The following SYBU variants were observed in gnomAD, a reference collection of about 807,000 sequenced individuals.
SYBU encodes syntabulin, also known as GOLSYN A protein.
Under a neutral mutation model 35.9 loss-of-function variants are expected in SYBU, and 21 were observed. The observed-to-expected ratio is 0.58, with a 90% CI of 0.41 to 0.84. The LOEUF (loss-of-function observed/expected upper bound fraction) is 0.84. Ranked by LOEUF, SYBU falls within the 40% of genes least tolerant of loss-of-function variation. SYBU has a pLI of 0.00. For missense variants in SYBU, 768 were observed against 848.2 expected (o/e 0.91, Z 1.17); for synonymous variants, 319 against 324.3 (o/e 0.98, Z 0.18).
chr8:109,648,821 G>C (rs1249235277), upstream of SYBU: 2 of 151,774 alleles, frequency 1.3e-5, no homozygotes, highest in African/African-American at 4.8e-5. Flanking sequence ...CAGCAACAAG[G>C]AGCAGCTGAC....
intron 3 of SYBU, among the ~76,000 whole-genome samples, chr8:109,612,457 G>C (rs1811280890): frequency 6.6e-6 from 1 of 152,154 alleles, no homozygotes; most frequent in Non-Finnish European, 1.5e-5. Flanking sequence ...ATTATGCCTT[G>C]CCAAAGTATG....
At chr8:109,678,718 A>G (rs1056859016) in intron 1 of SYBU, among the ~76,000 whole-genome samples, 33 of 152,010 alleles carry the variant, frequency 2.2e-4, no homozygotes, top group African/African-American at 7.7e-4. Context: ...GGATTATAGG[A>G]GTGAGCTAGC....
At chr8:109,644,279 T>C (rs1390058161) in intron 1 of SYBU, 4 of 509,270 alleles carry the variant, frequency 7.9e-6, no homozygotes, top group Admixed American at 4.6e-5. Context: ...TAAGGCAGGG[T>C]CACTGACACG....
At chr8:109,627,158 G>C (rs1483545003) in intron 2 of SYBU, among the ~76,000 whole-genome samples, 4 of 151,884 alleles carry the variant, frequency 2.6e-5, no homozygotes, top group Non-Finnish European at 5.9e-5. Context: ...TTTGTGGGGG[G>C]GAAGTTATTG....
At chr8:109,673,731 C>T (rs538141066) in intron 1 of SYBU, among the ~76,000 whole-genome samples, 1 of 152,186 alleles carries the variant, frequency 6.6e-6, no homozygotes, top group African/African-American at 2.4e-5. Context: ...ATGAGAAACT[C>T]CTCCGAGCTA....
Position 109,644,627 on chromosome 8 carries a change from G to A in SYBU, c.24+9C>T, listed in dbSNP as rs1586933711. The A allele has an allele frequency of 1.9e-6, 3 of 1,541,506 alleles. No individual in the cohort carries two copies. On this transcript the variant is annotated intron_variant, in intron 1 of 6. Transcript: ENST00000276646. ...CCCTCCAGTGCCCGCACTGCCCCGC[G>A]CTCCTTACCTTGCTCTCGCGGAGGG...
intron 3 of SYBU, among the ~76,000 whole-genome samples, chr8:109,601,315 C>G (rs940441285): frequency 6.6e-6 from 1 of 152,200 alleles, no homozygotes; most frequent in Non-Finnish European, 1.5e-5. Flanking sequence ...TCTGACATCA[C>G]TCTGCTTGAT....
intron 2 of SYBU, among the ~76,000 whole-genome samples, chr8:109,624,287 A>G (rs1292099113): frequency 6.6e-6 from 1 of 152,232 alleles, no homozygotes; most frequent in African/African-American, 2.4e-5. Flanking sequence ...ACAATTCTTT[A>G]TATTGAAAAT....
intron 2 of SYBU, among the ~76,000 whole-genome samples, chr8:109,629,372 T>C (rs1361645358): frequency 1.3e-5 from 2 of 152,206 alleles, no homozygotes. Flanking sequence ...ACACAAATCT[T>C]AACTAACTTA....
At chr8:109,621,522 C>T (rs1812397891) in intron 2 of SYBU, among the ~76,000 whole-genome samples, 1 of 152,154 alleles carries the variant, frequency 6.6e-6, no homozygotes, top group Non-Finnish European at 1.5e-5. Flanking sequence ...TACTCTTGTG[C>T]TTCATATGGT....
chr8:109,646,084 G>A (rs1815666698), upstream of SYBU: 1 of 152,262 alleles, frequency 6.6e-6, no homozygotes, highest in South Asian at 2.1e-4. Flanking sequence ...TCCAACTGGG[G>A]ACTTAGAATA....
In SYBU at chr8:109,691,341, G is replaced by C. The variant is rs552962923; in HGVS notation, c.-66C>G. The C allele has an allele frequency of 1.4e-6, 1 of 701,722 alleles. No homozygotes were observed. Among genetic ancestry groups the C allele is most frequent in the Non-Finnish European group, 2.6e-6 (1 of 384,584 alleles). 43.5% of individuals were successfully genotyped at this position (701,722 alleles called of 1,614,324 possible). A position where few individuals can be genotyped will look rare whatever the true frequency, so the allele number is the denominator to read the frequency against. On this transcript the variant is annotated 5_prime_UTR_variant, in exon 1 of 8. Transcript: ENST00000422135. The surrounding 1 kb of genome is among the most constrained non-coding windows in gnomAD (Gnocchi z 4.7). ...AGGCGCCCCGGTCTTACCCTTTCTC[G>C]CCCAGAAGGGCCCCATCGCGCTGTC...
intron 2 of SYBU, among the ~76,000 whole-genome samples, chr8:109,627,995 A>T (rs201309824): frequency 6.6e-6 from 1 of 152,236 alleles, no homozygotes; most frequent in Non-Finnish European, 1.5e-5. Context: ...GTATTATACA[A>T]TATGTCACTA....
At chr8:109,688,709 C>A (rs563881288) in intron 1 of SYBU, among the ~76,000 whole-genome samples, 1 of 150,072 alleles carries the variant, frequency 6.7e-6, no homozygotes, top group Non-Finnish European at 1.5e-5. Context: ...TCACCTGAAC[C>A]ACAGAAAACA....
rs182070456 is a variant in SYBU, at chr8:109,616,833, T to C, written c.427+2009A>G. 3.6e-3 allele frequency among the ~76,000 whole-genome samples: 553 copies of C among 152,076 alleles called. 3 individuals carry two copies. Among genetic ancestry groups the C allele is most frequent in the African/African-American group, 0.012 (488 of 41,486 alleles). ...CTAATGTGCACTAGAGCCTGTGTTC[T>C]GGGAATGCAAAAAGAGGATGGTAGG... is the stretch of plus-strand genomic sequence containing the variant. On this transcript the variant is annotated intron_variant, in intron 3 of 6. Coordinates refer to ENST00000276646, the MANE Select transcript of SYBU (RefSeq NM_001099754.2).
At chr8:109,629,222 A>G (rs1161966830) in intron 2 of SYBU, among the ~76,000 whole-genome samples, 2 of 152,244 alleles carry the variant, frequency 1.3e-5, no homozygotes, top group African/African-American at 4.8e-5. Context: ...TATGCATGAG[A>G]TAACAAAAAT....
rs111499016 is a variant in SYBU at position 109,619,121 on chromosome 8, C to G, written c.230-82G>C. 1,306 of 1,040,260 alleles carry G rather than the reference C, an allele frequency of 1.3e-3. 9 individuals are homozygous for G. In the African/African-American group the frequency reaches 0.017, roughly 13 times the overall value. 64.4% of individuals were successfully genotyped at this position (1,040,260 alleles called of 1,614,324 possible). A position where few individuals can be genotyped will look rare whatever the true frequency, so the allele number is the denominator to read the frequency against. On this transcript the variant is annotated intron_variant, in intron 2 of 6. Coordinates refer to ENST00000276646, the MANE Select transcript of SYBU (RefSeq NM_001099754.2). Reference sequence around the variant, plus strand: ...GAAGCCATGCGGTGCACCACACACACGCACACGTGCACTCGCACACGTACA... The same window carrying G: ...GAAGCCATGCGGTGCACCACACACAGGCACACGTGCACTCGCACACGTACA...
chr8:109,619,086 A>G (rs370254445), intron 2 of SYBU, 47 bp from the exon 3 acceptor site: 220 of 1,500,882 alleles, frequency 1.5e-4, no homozygotes, highest in Admixed American at 4.2e-4. Flanking sequence ...GAGGAAATCA[A>G]TGATGGTGAG....
chr8:109,657,708 C>T (rs933747088), intron 1 of SYBU, among the ~76,000 whole-genome samples: 2 of 152,182 alleles, frequency 1.3e-5, no homozygotes, highest in Non-Finnish European at 2.9e-5. Context: ...CTGTGTGAGG[C>T]TTTTCAATCT....
Sources: gnomAD v4.1 joint callset for allele counts (sites outside exome capture counted in the v4.1 genomes callset) on GRCh38, gnomAD v4.1.1 for gene constraint, Gnocchi (gnomAD v3.1) non-coding constraint, MANE v1.5 for transcripts, NCBI Gene and HGNC (gene_info 2026-07-23, HGNC 2026-07-21) for gene names.